The following DEUP1 variants were observed in gnomAD, a reference collection of about 807,000 sequenced individuals.
DEUP1 encodes the protein deuterosome assembly protein 1.
Under a neutral mutation model 87.4 loss-of-function variants are expected in DEUP1, and 82 were observed. The observed-to-expected ratio is 0.94, with a 90% CI of 0.78 to 1.13. The LOEUF is 1.13. DEUP1 is among the 50% of genes most tolerant of loss of function. DEUP1 has a pLI of 0.00. For synonymous variants in DEUP1, 214 were observed against 222.7 expected (o/e 0.96, Z 0.35); for missense variants, 663 against 681.5 (o/e 0.97, Z 0.30).
intron 2 of DEUP1, among the ~76,000 whole-genome samples, chr11:93,332,598 C>T (rs191933559): frequency 3.5e-4 from 54 of 152,286 alleles, no homozygotes; most frequent in African/African-American, 1.2e-3. Flanking sequence ...AACCTTTCTT[C>T]GCCAGCTTGC....
chr11:93,430,070 C>G (rs1440835749), intron 13 of DEUP1, among the ~76,000 whole-genome samples: 2 of 152,102 alleles, frequency 1.3e-5, no homozygotes, highest in Non-Finnish European at 1.5e-5. Flanking sequence ...ATCTTTCTTT[C>G]TTAATCTTGT....
At chr11:93,385,323 G>A (rs954647783) in intron 7 of DEUP1, 75 bp from the exon 8 acceptor site, 10 of 1,395,006 alleles carry the variant, frequency 7.2e-6, no homozygotes, top group Non-Finnish European at 1.0e-5. Flanking sequence ...GTTTATAGAT[G>A]TTAAATATTT....
intron 11 of DEUP1, among the ~76,000 whole-genome samples, chr11:93,398,013 C>T (rs1185466994): frequency 6.6e-6 from 1 of 152,010 alleles, no homozygotes; most frequent in Non-Finnish European, 1.5e-5. Context: ...TCCCTCTTTC[C>T]TCCACTCATC....
At chr11:93,406,417 C>A (rs551497553) in intron 11 of DEUP1, among the ~76,000 whole-genome samples, 14 of 151,968 alleles carry the variant, frequency 9.2e-5, no homozygotes, top group African/African-American at 3.4e-4. Flanking sequence ...GTGATTAGAA[C>A]AATTACAATA....
intron 7 of DEUP1, among the ~76,000 whole-genome samples, chr11:93,378,703 C>T (rs1447113562): frequency 2.6e-5 from 4 of 152,028 alleles, no homozygotes; most frequent in Admixed American, 2.6e-4. Context: ...TTTGGGTAGA[C>T]TATGTCAGAT....
chr11:93,361,638 A>G (rs1451822552), intron 4 of DEUP1, among the ~76,000 whole-genome samples: 1 of 152,122 alleles, frequency 6.6e-6, no homozygotes, highest in Non-Finnish European at 1.5e-5. Context: ...CTACAAAGAG[A>G]TATACTCAAA....
At chr11:93,390,106 G>A (rs895936190) in intron 9 of DEUP1, among the ~76,000 whole-genome samples, 4 of 152,184 alleles carry the variant, frequency 2.6e-5, no homozygotes, top group African/African-American at 9.7e-5. Context: ...GGATCAGGCA[G>A]AATATTTAAT....
At chr11:93,394,418 TA>T in intron 9 of DEUP1, 40 bp from the exon 10 acceptor site, 1 of 1,435,534 alleles carries the variant, frequency 7.0e-7, no homozygotes, top group South Asian at 1.4e-5. Flanking sequence ...ACTCTATAAA[TA>T]AAAGGATTCA....
intron 11 of DEUP1, among the ~76,000 whole-genome samples, chr11:93,407,456 A>G (rs561470552): frequency 6.6e-6 from 1 of 152,186 alleles, no homozygotes; most frequent in Non-Finnish European, 1.5e-5. Context: ...CCCATAATTA[A>G]ACAACATATG....
intron 4 of DEUP1, among the ~76,000 whole-genome samples, chr11:93,361,604 C>T (rs1390127126): frequency 6.6e-6 from 1 of 151,680 alleles, no homozygotes; most frequent in South Asian, 2.1e-4. Flanking sequence ...TAGTGTAATA[C>T]CTACAGCAAC....
At chr11:93,344,996 C>A (rs1944273145) in intron 2 of DEUP1, among the ~76,000 whole-genome samples, 1 of 152,002 alleles carries the variant, frequency 6.6e-6, no homozygotes, top group Admixed American at 6.5e-5. Context: ...TTTCCTGAGG[C>A]TTTCCCTCCT....
rs979291349 is a variant in DEUP1, at chr11:93,344,162, G to C, written c.30-11209G>C. On this transcript the variant is annotated intron_variant, in intron 2 of 13. Coordinates refer to ENST00000298050, the MANE Select transcript of DEUP1 (RefSeq NM_181645.4). ...GTTTTAGAACAGACAGTTGACTAAA[G>C]AGCAGACTGACATCACAGACGTATC... 2.0e-5 allele frequency among the ~76,000 whole-genome samples: 3 copies of C among 152,020 alleles called. 1 individual carries two copies. The South Asian group carries it at 6.2e-4, about 32-fold the overall frequency.
intron 9 of DEUP1, among the ~76,000 whole-genome samples, chr11:93,393,482 C>T (rs1279112933): frequency 2.0e-5 from 3 of 151,924 alleles, no homozygotes; most frequent in East Asian, 1.9e-4. Flanking sequence ...CCACCACGCC[C>T]GGCTAGAGCA....
At chr11:93,337,023 C>T (rs1419655683) in intron 2 of DEUP1, among the ~76,000 whole-genome samples, 1 of 152,158 alleles carries the variant, frequency 6.6e-6, no homozygotes, top group Non-Finnish European at 1.5e-5. Context: ...TGACTTTTAT[C>T]TTAGCCATTG....
rs12283758 is a variant in DEUP1 at position 93,389,160 on chromosome 11, G to A, written c.1041+35G>A. The A allele has an allele frequency of 0.27, 321,358 of 1,173,558 alleles. 45,811 individuals carry two copies. Among genetic ancestry groups the A allele is most frequent in the South Asian group, 0.4 (28,329 of 71,472 alleles). The allele number at this position is 1,173,558 out of a possible 1,614,324, so 72.7% of individuals were successfully genotyped here. A position where few individuals can be genotyped will look rare whatever the true frequency, so the allele number is the denominator to read the frequency against. ...ATAATGAGCTCCATTCTTCCAGGTA[G>A]ATGTGAACTCTTTACATACAAAGGG... On this transcript the variant is annotated intron_variant, in intron 9 of 13. Coordinates refer to ENST00000298050, the MANE Select transcript of DEUP1 (RefSeq NM_181645.4).
intron 5 of DEUP1, among the ~76,000 whole-genome samples, chr11:93,368,863 G>A (rs528668889): frequency 6.6e-6 from 1 of 152,086 alleles, no homozygotes; most frequent in Non-Finnish European, 1.5e-5. Flanking sequence ...TTGAACCTGG[G>A]AGGTAGAGGT....
intron 6 of DEUP1, 41 bp from the exon 7 acceptor site, chr11:93,370,997 G>T: frequency 1.3e-6 from 2 of 1,549,032 alleles, no homozygotes; most frequent in South Asian, 2.4e-5. Flanking sequence ...GCTTAAATAT[G>T]ACATTCTTCA....
Position 93,408,428 on chromosome 11 carries a change from G to T in DEUP1, c.1523+1G>T, listed in dbSNP as rs1331197336. 4 of 1,519,514 alleles carry T rather than the reference G, an allele frequency of 2.6e-6. No homozygotes were observed. The highest frequency in any genetic ancestry group is 3.6e-6 in the Non-Finnish European group (4 of 1,126,572). The allele number at this position is 1,519,514 out of a possible 1,614,324, so 94.1% of individuals were successfully genotyped here. On this transcript the variant is annotated splice_donor_variant, in intron 12 of 13. Transcript: ENST00000298050. LOFTEE classifies it high-confidence loss of function. Reference sequence around the variant, plus strand: ...TAAAAGTGGAACAAAATGAAGAGAGGTATGCTGGCTCCATTATATAAGGGC... The same window carrying T: ...TAAAAGTGGAACAAAATGAAGAGAGTTATGCTGGCTCCATTATATAAGGGC...
At chr11:93,372,073 C>T (rs1945758641) in intron 7 of DEUP1, among the ~76,000 whole-genome samples, 1 of 150,508 alleles carries the variant, frequency 6.6e-6, no homozygotes, top group African/African-American at 2.4e-5. Context: ...GGACTACAGG[C>T]GCCCGCCACT....
Sources: gnomAD v4.1 joint callset for allele counts (sites outside exome capture counted in the v4.1 genomes callset) on GRCh38, gnomAD v4.1.1 for gene constraint, MANE v1.5 for transcripts, NCBI Gene and HGNC (gene_info 2026-07-23, HGNC 2026-07-21) for gene names.